The following LEMD1 variants were observed in gnomAD, a reference collection of about 807,000 sequenced individuals.
LEMD1 encodes LEM domain-containing protein 1.
In LEMD1, 18 loss-of-function variants were observed where a neutral mutation model predicts 17.4. That is an observed-to-expected ratio of 1.04 (90% CI 0.72 to 1.54). The LOEUF (loss-of-function observed/expected upper bound fraction) is 1.54. LEMD1 is among the 40% of genes most tolerant of loss of function. The pLI, the probability that LEMD1 is intolerant of heterozygous loss-of-function variation, is 0.00. For synonymous variants in LEMD1, 88 were observed against 77.8 expected, an observed-to-expected ratio of 1.13 and a Z score of -0.69; for missense variants, 195 against 210.4, an observed-to-expected ratio of 0.93 and a Z score of 0.45.
At chr1:205,422,182 C>T (rs1194498239), upstream of LEMD1, 1 of 152,142 alleles carries the variant, frequency 6.6e-6, no homozygotes. Context: ...ATTAATTTAA[C>T]CAAAGTTCAA....
In LEMD1 at chr1:205,395,187, T is replaced by C. The variant is rs375727714; in HGVS notation, c.271-10823A>G. Among the ~76,000 whole-genome samples the C allele has an allele frequency of 2.6e-5, 4 of 152,234 alleles. No individual in the cohort carries two copies. The East Asian group carries it at 5.8e-4, about 22-fold the overall frequency. On this transcript the variant is annotated intron_variant, in intron 4 of 5. Transcript: ENST00000367153. ...AAATAGGGCAAGGAAAAAAGATAGATAAAATTGTAAAACACCGATGGAAAA... is the reference window on the plus strand; with the variant it reads ...AAATAGGGCAAGGAAAAAAGATAGACAAAATTGTAAAACACCGATGGAAAA...
intron 4 of LEMD1, among the ~76,000 whole-genome samples, chr1:205,398,758 G>T (rs1292093016): frequency 6.6e-6 from 1 of 152,166 alleles, no homozygotes; most frequent in Non-Finnish European, 1.5e-5. Flanking sequence ...ACATTAGTGT[G>T]CCCTGGGGCA....
At chr1:205,446,332 C>A (rs975262861) in intron 1 of LEMD1, among the ~76,000 whole-genome samples, 3 of 152,216 alleles carry the variant, frequency 2.0e-5, no homozygotes, top group Non-Finnish European at 2.9e-5. Context: ...AGTTGCTGAG[C>A]TGTGGGCTTG....
intron 4 of LEMD1, among the ~76,000 whole-genome samples, chr1:205,415,432 G>A (rs1665653489): frequency 6.7e-6 from 1 of 148,968 alleles, no homozygotes; most frequent in Non-Finnish European, 1.5e-5. Flanking sequence ...GGCACATCAG[G>A]GGCCAAGAGG....
intron 1 of LEMD1, among the ~76,000 whole-genome samples, chr1:205,428,366 G>A (rs1666083337): frequency 6.6e-6 from 1 of 152,152 alleles, no homozygotes; most frequent in African/African-American, 2.4e-5. Context: ...GCAGGACTGG[G>A]TACAGGGATA....
At chr1:205,444,122 C>G (rs542738377) in intron 1 of LEMD1, among the ~76,000 whole-genome samples, 3 of 152,228 alleles carry the variant, frequency 2.0e-5, no homozygotes, top group African/African-American at 7.2e-5. Context: ...GGGAACTCCC[C>G]TCCCATCCTC....
chr1:205,396,986 C>A (rs112303027), intron 4 of LEMD1, among the ~76,000 whole-genome samples: 2,127 of 152,224 alleles, frequency 0.014, 28 homozygotes, highest in Non-Finnish European at 0.02. Flanking sequence ...GTTTTTTCCT[C>A]CCCACTTGGG....
chr1:205,425,794 C>T (rs1483925411), upstream of LEMD1, among the ~76,000 whole-genome samples: 1 of 152,204 alleles, frequency 6.6e-6, no homozygotes, highest in African/African-American at 2.4e-5. Context: ...AAAATGCTGC[C>T]TAATTGCCAT....
intron 3 of LEMD1, 72 bp from the exon 4 acceptor site, chr1:205,416,368 C>T: frequency 9.0e-7 from 1 of 1,116,508 alleles, no homozygotes; most frequent in Non-Finnish European, 1.3e-6. Flanking sequence ...AAACATCAAT[C>T]ACCAGGGTGA....
At chr1:205,440,987 C>G in intron 1 of LEMD1, 1 of 152,416 alleles carries the variant, frequency 6.6e-6, no homozygotes, top group East Asian at 1.9e-4. Context: ...TTGCAGAAGC[C>G]GTGGAGACCA....
At chr1:205,417,801 ATAT>A (rs1466105732) in intron 3 of LEMD1, among the ~76,000 whole-genome samples, 1 of 148,038 alleles carries the variant, frequency 6.8e-6, no homozygotes, top group Non-Finnish European at 1.5e-5. Flanking sequence ...GAACTATATG[ATAT>A]TGTCCTTTTT....
At chr1:205,381,990 A>G in intron 5 of LEMD1, 134 bp from the exon 6 acceptor site, 1 of 775,880 alleles carries the variant, frequency 1.3e-6, no homozygotes, top group Non-Finnish European at 2.2e-6. Context: ...CCTTACTAAA[A>G]ACCTAGGCTA....
intron 1 of LEMD1, among the ~76,000 whole-genome samples, chr1:205,445,078 G>T (rs1020320090): frequency 6.6e-6 from 1 of 152,202 alleles, no homozygotes; most frequent in African/African-American, 2.4e-5. Flanking sequence ...GGAAGCAGCT[G>T]CGGCTTAGGA....
intron 4 of LEMD1, among the ~76,000 whole-genome samples, chr1:205,411,663 A>AAAGC (rs1665447982): frequency 2.2e-5 from 3 of 135,200 alleles, no homozygotes; most frequent in African/African-American, 8.3e-5. Flanking sequence ...GGAAAGAAAG[A>AAAGC]AAGAAAGAAA....
At chr1:205,426,485 GT>G (rs1666056541), upstream of LEMD1, among the ~76,000 whole-genome samples, 1 of 152,224 alleles carries the variant, frequency 6.6e-6, no homozygotes, top group African/African-American at 2.4e-5. Context: ...ATCTCCCCTG[GT>G]TGGGGGTGGT....
At chr1:205,424,286 T>C (rs1666028571), upstream of LEMD1, among the ~76,000 whole-genome samples, 1 of 152,194 alleles carries the variant, frequency 6.6e-6, no homozygotes, top group South Asian at 2.1e-4. Context: ...CAAAAGGAAG[T>C]GGAAAGCGGA....
chr1:205,418,361 T>G (rs1446235115), intron 3 of LEMD1, among the ~76,000 whole-genome samples: 1 of 152,126 alleles, frequency 6.6e-6, no homozygotes, highest in Non-Finnish European at 1.5e-5. Context: ...AGGAGAATGG[T>G]GTACCCAGAG....
intron 1 of LEMD1, chr1:205,435,355 C>T (rs1324941959): frequency 6.6e-6 from 1 of 152,162 alleles, no homozygotes; most frequent in African/African-American, 2.4e-5. Flanking sequence ...AGGGAACAGA[C>T]AGAGAAAGAA....
chr1:205,407,060 G>A (rs1022066861), intron 4 of LEMD1, among the ~76,000 whole-genome samples: 11 of 152,124 alleles, frequency 7.2e-5, no homozygotes, highest in Admixed American at 1.3e-4. Flanking sequence ...GACTGGGCAC[G>A]GTGGCTTAGA....
Sources: allele counts gnomAD v4.1 joint callset (sites outside exome capture counted in the v4.1 genomes callset), GRCh38; gene constraint gnomAD v4.1.1; transcripts MANE v1.5; gene names NCBI Gene and HGNC (gene_info 2026-07-23, HGNC 2026-07-21).